The following PCMT1 variants were observed in gnomAD, a reference collection of about 807,000 sequenced individuals.
PCMT1 encodes the protein protein-L-isoaspartate(D-aspartate) O-methyltransferase.
Under a neutral mutation model 29.2 loss-of-function variants are expected in PCMT1, and 9 were observed. That is an observed-to-expected ratio of 0.31 (90% confidence interval 0.19 to 0.54). PCMT1 has a LOEUF of 0.54. Among genes scored for constraint, PCMT1 ranks in the 20% least tolerant of loss-of-function variants. The pLI is 0.95. For synonymous variants in PCMT1, 98 were observed against 97.5 expected (o/e 1.00, Z -0.03); for missense variants, 184 against 282.2 (o/e 0.65, Z 2.49).
intron 3 of PCMT1, among the ~76,000 whole-genome samples, chr6:149,776,901 G>A (rs970310442): frequency 8.5e-5 from 13 of 152,066 alleles, no homozygotes; most frequent in South Asian, 2.1e-4. Flanking sequence ...AGTATCTATC[G>A]AAATGTGAAA....
At chr6:149,786,808 A>G (rs1287280888) in intron 3 of PCMT1, among the ~76,000 whole-genome samples, 5 of 148,044 alleles carry the variant, frequency 3.4e-5, no homozygotes, top group Non-Finnish European at 7.4e-5. Flanking sequence ...GTGGCCGGAA[A>G]GAGGCGCTCC....
chr6:149,783,798 TC>T (rs1468830376), intron 3 of PCMT1, among the ~76,000 whole-genome samples: 1 of 152,118 alleles, frequency 6.6e-6, no homozygotes, highest in Admixed American at 6.5e-5. Context: ...CCAGTGATCT[TC>T]CTGCCTCTGC....
intron 5 of PCMT1, chr6:149,795,259 C>T: frequency 2.5e-6 from 1 of 402,768 alleles, no homozygotes; most frequent in South Asian, 2.2e-5. Flanking sequence ...AGAAAAAGAT[C>T]ACAGTTCCTC....
At chr6:149,771,298 T>G in intron 2 of PCMT1, 32 bp downstream of exon 2, 2 of 1,275,168 alleles carry the variant, frequency 1.6e-6, no homozygotes, top group Non-Finnish European at 2.3e-6. Flanking sequence ...ATATCATAGT[T>G]TTCATCATTT....
chr6:149,776,702 A>G (rs1388030407), intron 3 of PCMT1, among the ~76,000 whole-genome samples: 1 of 152,172 alleles, frequency 6.6e-6, no homozygotes, highest in Non-Finnish European at 1.5e-5. Context: ...ATAAGCCACC[A>G]TGCCCAGCCT....
chr6:149,769,196 G>A (rs1787208654), intron 1 of PCMT1, among the ~76,000 whole-genome samples: 1 of 151,406 alleles, frequency 6.6e-6, no homozygotes, highest in Non-Finnish European at 1.5e-5. Flanking sequence ...TTTGTGGACA[G>A]AGTTCATTGT....
intron 1 of PCMT1, among the ~76,000 whole-genome samples, chr6:149,752,203 T>G (rs1441432336): frequency 6.9e-6 from 1 of 144,726 alleles, no homozygotes; most frequent in Non-Finnish European, 1.5e-5. Flanking sequence ...GATGTCAACA[T>G]TTTTTTTTTT....
intron 6 of PCMT1, among the ~76,000 whole-genome samples, chr6:149,801,393 A>G (rs139255911): frequency 5.3e-5 from 8 of 152,184 alleles, no homozygotes; most frequent in Non-Finnish European, 1.2e-4. Flanking sequence ...AGAGTTTTGG[A>G]TTTTGGAGCA....
intron 3 of PCMT1, among the ~76,000 whole-genome samples, chr6:149,775,811 G>A (rs1787538527): frequency 6.6e-6 from 1 of 152,156 alleles, no homozygotes; most frequent in African/African-American, 2.4e-5. Flanking sequence ...TGTGTATCCT[G>A]TTAATAAGTG....
chr6:149,767,308 C>T (rs1310836637), intron 1 of PCMT1, among the ~76,000 whole-genome samples: 17 of 151,136 alleles, frequency 1.1e-4, no homozygotes, highest in Admixed American at 8.6e-4. Flanking sequence ...GATCCTCCTA[C>T]CTTGGCCTCC....
intron 1 of PCMT1, among the ~76,000 whole-genome samples, chr6:149,769,604 G>A (rs548279722): frequency 2.6e-4 from 39 of 151,670 alleles, no homozygotes; most frequent in South Asian, 1.7e-3. Context: ...GTGAGCTACC[G>A]TGCCTGGCCT....
chr6:149,763,243 G>GAT (rs1305373731), intron 1 of PCMT1, among the ~76,000 whole-genome samples: 1 of 99,066 alleles, frequency 1.0e-5, no homozygotes, highest in Non-Finnish European at 1.7e-5. Flanking sequence ...TGATATCTAT[G>GAT]ATATATATAT....
chr6:149,761,297 A>ATTT (rs1786731371), intron 1 of PCMT1, among the ~76,000 whole-genome samples: 1 of 147,574 alleles, frequency 6.8e-6, no homozygotes, highest in South Asian at 2.1e-4. Context: ...ATATATACAC[A>ATTT]TACATACTAT....
intron 4 of PCMT1, among the ~76,000 whole-genome samples, chr6:149,791,278 C>T (rs1322459002): frequency 3.3e-5 from 5 of 152,172 alleles, no homozygotes; most frequent in Non-Finnish European, 7.3e-5. Flanking sequence ...TGCAGATTTA[C>T]CAGGATGAAG....
chr6:149,799,515 T>A (rs2115333440), intron 6 of PCMT1, among the ~76,000 whole-genome samples: 1 of 152,312 alleles, frequency 6.6e-6, no homozygotes, highest in Non-Finnish European at 1.5e-5. Context: ...CAAATCTCCA[T>A]CTCTTTCTTT....
At position 149,769,308 on chromosome 6, in the gene PCMT1, CTTTTTTTTT is replaced by C. The variant is rs372773939; in HGVS notation, c.56-1838_56-1830del. ...AGTTAGCACCTATTTGTGCAGGATT[CTTTTTTTTT>C]TTTTTTTTTTTTTTTGAGACTGAGT... On this transcript the variant is annotated intron_variant, in intron 1 of 7. Coordinates refer to ENST00000464889, the MANE Select transcript of PCMT1 (RefSeq NM_001360452.2). 5.7e-3 allele frequency among the ~76,000 whole-genome samples: 405 copies of C among 71,546 alleles called. 14 individuals carry two copies. Among genetic ancestry groups the C allele is most frequent in the African/African-American group, 0.031 (359 of 11,694 alleles). 46.9% of individuals were successfully genotyped at this position (71,546 alleles called of 152,430 possible).
chr6:149,802,429 G>T lies in PCMT1; in HGVS notation c.*37+13G>T. 6.5e-7 allele frequency: 1 copy of T among 1,529,326 alleles called. No homozygotes were observed. The highest frequency in any genetic ancestry group is 2.3e-5 in the East Asian group (1 of 43,586). The allele number at this position is 1,529,326 out of a possible 1,614,324, so 94.7% of individuals were successfully genotyped here. A position where few individuals can be genotyped will look rare whatever the true frequency, so the allele number is the denominator to read the frequency against. On this transcript the variant is annotated intron_variant, in intron 7 of 7. Transcript: ENST00000464889. Reference sequence around the variant, plus strand: ...CCACACATGCAAGGTGAAAGGGTGTGGATTTTAAGACATTAGACTACAAGA... The same window carrying T: ...CCACACATGCAAGGTGAAAGGGTGTTGATTTTAAGACATTAGACTACAAGA...
In PCMT1 at chr6:149,761,600, T is replaced by C. The variant is rs1456478980; in HGVS notation, c.56-9562T>C. ...AATACAAACCTATCCCCTTCCTTCA[T>C]ATAGTTATATCATAGTTTTTGGTTC... is the stretch of plus-strand genomic sequence containing the variant. On this transcript the variant is annotated intron_variant, in intron 1 of 7. Transcript: ENST00000464889. 2.6e-5 allele frequency among the ~76,000 whole-genome samples: 4 copies of C among 152,206 alleles called. No homozygotes were observed. In the East Asian group the frequency reaches 7.7e-4, roughly 29 times the overall value.
At chr6:149,750,254 G>T in intron 1 of PCMT1, 1 of 413,544 alleles carries the variant, frequency 2.4e-6, no homozygotes, top group Non-Finnish European at 4.3e-6. Flanking sequence ...AGGTGATGCT[G>T]CTGTCACTCA....
Sources: gnomAD v4.1 joint callset for allele counts (sites outside exome capture counted in the v4.1 genomes callset) on GRCh38, gnomAD v4.1.1 for gene constraint, MANE v1.5 for transcripts, NCBI Gene and HGNC (gene_info 2026-07-23, HGNC 2026-07-21) for gene names.